The following TMEM131 variants were observed in gnomAD, a reference collection of about 807,000 sequenced individuals.
The protein encoded by TMEM131 is transmembrane protein 131, also known as 2610524E03Rik.
TMEM131 carries 66 observed loss-of-function variants against 211.6 expected under a neutral mutation model. The ratio of observed to expected loss-of-function variants is 0.31; its 90% CI spans 0.26 to 0.38. TMEM131 has a LOEUF of 0.38. Among genes scored for constraint, TMEM131 ranks in the 10% least tolerant of loss-of-function variants. The pLI is 1.00. For synonymous variants in TMEM131, 844 were observed against 841.3 expected (o/e 1.00, Z -0.06); for missense variants, 2,036 against 2,299.3 (o/e 0.89, Z 2.34).
chr2:97,869,231 T>C (rs1372049985), intron 4 of TMEM131, among the ~76,000 whole-genome samples: 1 of 152,188 alleles, frequency 6.6e-6, no homozygotes, highest in Non-Finnish European at 1.5e-5. Context: ...TCAGCTAAGA[T>C]AAAGAAGACA....
chr2:97,851,156 A>G (rs1673607798), intron 5 of TMEM131, among the ~76,000 whole-genome samples: 1 of 151,906 alleles, frequency 6.6e-6, no homozygotes, highest in African/African-American at 2.4e-5. Context: ...CTTCAGATAT[A>G]CACTAGTGAC....
At position 97,873,077 on chromosome 2, in the gene TMEM131, T is replaced by C. The variant is rs145101430; in HGVS notation, c.360-13650A>G. ...TTGGTGGGGGGAGGGGCGTCCGCCA[T>C]TGCTAAGGCTTGAGTAGGTGGTTTT... On this transcript the variant is annotated intron_variant, in intron 4 of 40. Transcript: ENST00000186436. Among the ~76,000 whole-genome samples, 297 of 152,342 alleles carry C rather than the reference T, an allele frequency of 1.9e-3. 1 individual carries two copies. Among genetic ancestry groups the C allele is most frequent in the African/African-American group, 6.7e-3 (278 of 41,582 alleles).
chr2:97,904,136 G>T (rs948019266), intron 3 of TMEM131, among the ~76,000 whole-genome samples: 3 of 152,066 alleles, frequency 2.0e-5, no homozygotes, highest in Admixed American at 6.6e-5. Context: ...AGACGTTAAT[G>T]GGACAATTTA....
At chr2:97,967,222 C>CT (rs1679099477) in intron 1 of TMEM131, among the ~76,000 whole-genome samples, 1 of 152,192 alleles carries the variant, frequency 6.6e-6, no homozygotes. Flanking sequence ...ACCTAGCTCT[C>CT]TCCTGTGGCA....
At chr2:97,919,196 G>T (rs1001291742) in intron 2 of TMEM131, among the ~76,000 whole-genome samples, 1 of 152,118 alleles carries the variant, frequency 6.6e-6, no homozygotes, top group East Asian at 1.9e-4. Flanking sequence ...TATTATTATT[G>T]TTCTACAAAG....
At chr2:97,794,416 C>T (rs1355020577) in intron 29 of TMEM131, among the ~76,000 whole-genome samples, 1 of 152,086 alleles carries the variant, frequency 6.6e-6, no homozygotes, top group East Asian at 1.9e-4. Context: ...GAAGAAATGC[C>T]TGGAATTTGA....
intron 5 of TMEM131, among the ~76,000 whole-genome samples, chr2:97,857,491 A>C (rs913503341): frequency 6.6e-6 from 1 of 152,270 alleles, no homozygotes; most frequent in African/African-American, 2.4e-5. Flanking sequence ...CAGAAACAAC[A>C]AAATATTGCT....
At chr2:97,976,249 C>T (rs1287211332) in intron 1 of TMEM131, among the ~76,000 whole-genome samples, 2 of 152,030 alleles carry the variant, frequency 1.3e-5, no homozygotes, top group Non-Finnish European at 2.9e-5. Context: ...TGGAAAAAAA[C>T]GTATTTGCAG....
At chr2:97,846,730 C>A (rs958664600) in intron 5 of TMEM131, among the ~76,000 whole-genome samples, 23 of 145,370 alleles carry the variant, frequency 1.6e-4, no homozygotes, top group African/African-American at 5.6e-4. Flanking sequence ...CAAGACAATT[C>A]TTCTTCTTCC....
chr2:97,914,276 T>C (rs187930912), intron 2 of TMEM131, among the ~76,000 whole-genome samples: 16 of 152,354 alleles, frequency 1.1e-4, no homozygotes, highest in Admixed American at 9.2e-4. Flanking sequence ...AAAAGAGCTA[T>C]ATTTTAACTC....
chr2:97,815,380 G>T, intron 12 of TMEM131, 73 bp from the exon 13 acceptor site: 4 of 935,216 alleles, frequency 4.3e-6, no homozygotes, highest in South Asian at 2.3e-5. Flanking sequence ...TATGTAAATT[G>T]ACAAAATCTT....
rs185982357 is a variant in TMEM131 at position 97,797,938 on chromosome 2, G to A, written c.2719-422C>T. Among the ~76,000 whole-genome samples, 198 of 152,224 alleles carry A rather than the reference G, an allele frequency of 1.3e-3. 1 individual carries two copies. Among genetic ancestry groups the A allele is most frequent in the African/African-American group, 4.5e-3 (186 of 41,546 alleles). On this transcript the variant is annotated intron_variant, in intron 25 of 40. Coordinates refer to ENST00000186436, the MANE Select transcript of TMEM131 (RefSeq NM_015348.2). ...CACCCCAGGCCTCCTGATGCTTCCC[G>A]CCACTGCTCCCCTCTGAAGGGGACC...
Position 97,814,047 on chromosome 2 carries a change from A to G in TMEM131, c.1541T>C (p.Ile514Thr). 1 of 1,601,666 alleles carries G rather than the reference A, an allele frequency of 6.2e-7. No homozygotes were observed. Among genetic ancestry groups the G allele is most frequent in the Non-Finnish European group, 8.5e-7 (1 of 1,173,022 alleles). Residue 514 changes from isoleucine to threonine, a missense_variant, in exon 15 of 41, where the codon ATT becomes ACT. Ile to Thr is a moderately conservative substitution (Grantham distance 89, BLOSUM62 -1). Transcript: ENST00000186436. ...GGTAATAAGTAAAATGTTGTTATCA[A>G]TGTGCATGGATGATGTGGAAGGCAT... is the stretch of plus-strand genomic sequence containing the variant. ...LFMPSTSSMH[I>T]DNNILLITNA...
chr2:97,762,459 TC>T (rs1678903711), intron 35 of TMEM131: 1 of 337,074 alleles, frequency 3.0e-6, no homozygotes, highest in Non-Finnish European at 5.5e-6. Flanking sequence ...TCTTCACTTC[TC>T]CCACCTCAGG....
intron 38 of TMEM131, 85 bp from the exon 39 acceptor site, chr2:97,759,834 A>G (rs978134189): frequency 1.1e-6 from 1 of 916,492 alleles, no homozygotes; most frequent in African/African-American, 1.6e-5. Context: ...CTTCACAAAC[A>G]GGAGACACTG....
intron 1 of TMEM131, among the ~76,000 whole-genome samples, chr2:97,955,582 A>G (rs2104548650): frequency 6.6e-6 from 1 of 152,350 alleles, no homozygotes; most frequent in East Asian, 1.9e-4. Context: ...TTCTAGAATA[A>G]GTAAGTTCAG....
chr2:97,767,668 A>G (rs1402865154), intron 33 of TMEM131, among the ~76,000 whole-genome samples: 9 of 152,212 alleles, frequency 5.9e-5, no homozygotes, highest in African/African-American at 2.2e-4. Context: ...CTAGCTTTTC[A>G]TTCCAAATCT....
intron 1 of TMEM131, among the ~76,000 whole-genome samples, chr2:97,969,905 G>A (rs750598614): frequency 2.0e-5 from 3 of 152,132 alleles, no homozygotes; most frequent in Non-Finnish European, 4.4e-5. Flanking sequence ...CTTTCACAAC[G>A]ATCTGTCTGA....
intron 3 of TMEM131, among the ~76,000 whole-genome samples, chr2:97,894,337 T>C (rs952263423): frequency 6.6e-6 from 1 of 152,214 alleles, no homozygotes; most frequent in African/African-American, 2.4e-5. Flanking sequence ...TTGTTCTTTT[T>C]GCTTAGAGTT....
Sources: gnomAD v4.1 joint callset for allele counts (sites outside exome capture counted in the v4.1 genomes callset) on GRCh38, gnomAD v4.1.1 for gene constraint, MANE v1.5 for transcripts, NCBI Gene and HGNC (gene_info 2026-07-23, HGNC 2026-07-21) for gene names.